The following DPP6 variants were observed in gnomAD, a reference collection of about 807,000 sequenced individuals.
DPP6 encodes the protein dipeptidyl peptidase like 6, also known as A-type potassium channel modulatory protein DPP6.
A neutral mutation model predicts 122.6 loss-of-function variants in DPP6; 69 were observed. The ratio of observed to expected loss-of-function variants is 0.56; its 90% CI spans 0.46 to 0.69. DPP6 has a LOEUF of 0.69. Among genes scored for constraint, DPP6 ranks in the 30% least tolerant of loss-of-function variants. The probability of loss-of-function intolerance (pLI) is 0.00; values close to 1 mark genes in which losing one functional copy is unlikely to be tolerated. For missense variants in DPP6, 928 were observed against 1,116.9 expected (o/e 0.83, Z 2.41); for synonymous variants, 418 against 433.1 (o/e 0.97, Z 0.43).
upstream of DPP6, chr7:154,052,348 G>C (rs898706789): frequency 6.5e-6 from 1 of 153,524 alleles, no homozygotes. The surrounding 1 kb of genome is among the most constrained non-coding windows in gnomAD (Gnocchi z 4.8). Context: ...GGCCGGGGTG[G>C]AGGAGGAGCT....
chr7:153,876,682 C>T, the DPP6 span, among the ~76,000 whole-genome samples: 2 of 151,978 alleles, frequency 1.3e-5, no homozygotes, highest in African/African-American at 2.4e-5. Flanking sequence ...TGACAGGATA[C>T]TTTATGAACC....
At chr7:153,900,620 G>C (rs866634637) in intron 1 of DPP6, among the ~76,000 whole-genome samples, 1 of 152,080 alleles carries the variant, frequency 6.6e-6, no homozygotes, top group Admixed American at 6.5e-5. Context: ...TCATTATCTC[G>C]AGGGTAACAC....
chr7:154,394,840 A>T (rs1814945494), intron 1 of DPP6, among the ~76,000 whole-genome samples: 1 of 152,220 alleles, frequency 6.6e-6, no homozygotes, highest in Admixed American at 6.5e-5. Flanking sequence ...ATTTGTTGAA[A>T]GAACTGACAT....
intron 1 of DPP6, among the ~76,000 whole-genome samples, chr7:154,061,603 G>C (rs1170641176): frequency 7.0e-6 from 1 of 142,684 alleles, no homozygotes; most frequent in Non-Finnish European, 1.5e-5. Context: ...CCTGGCTCTT[G>C]GGACTCCCAT....
chr7:153,961,391 G>T (rs1795345292), intron 1 of DPP6, among the ~76,000 whole-genome samples: 1 of 151,340 alleles, frequency 6.6e-6, no homozygotes, highest in African/African-American at 2.4e-5. Context: ...TAGGCAGAGT[G>T]GGCAGAGGCA....
chr7:154,441,495 C>T (rs1819368301), intron 1 of DPP6, among the ~76,000 whole-genome samples: 1 of 152,122 alleles, frequency 6.6e-6, no homozygotes, highest in African/African-American at 2.4e-5. Flanking sequence ...TTGCAGCGTT[C>T]AAAAATCGTC....
At chr7:154,086,114 G>C (rs1392087021) in intron 1 of DPP6, among the ~76,000 whole-genome samples, 1 of 152,148 alleles carries the variant, frequency 6.6e-6, no homozygotes, top group African/African-American at 2.4e-5. Flanking sequence ...TAGAGATAGA[G>C]ACATAAATTC....
rs553004403 is a variant in DPP6, at chr7:154,655,697, G to A, written c.681-13663G>A. On this transcript the variant is annotated intron_variant, in intron 6 of 25. Transcript: ENST00000377770. The stretch of plus-strand genomic sequence containing the variant: ...TGCGAGGAATTGGGGCTTAAGCCAA[G>A]TGTGCTGCCGTGGCCTAAATGTGCA... 2.0e-5 allele frequency among the ~76,000 whole-genome samples: 3 copies of A among 152,372 alleles called. No individual in the cohort carries two copies. The East Asian group carries it at 5.8e-4, about 29-fold the overall frequency.
chr7:154,751,922 C>T (rs1843414194), intron 8 of DPP6, among the ~76,000 whole-genome samples: 2 of 152,038 alleles, frequency 1.3e-5, no homozygotes, highest in South Asian at 4.2e-4. Context: ...AGCAGTGTCA[C>T]CCTAAAAAGG....
the DPP6 span, among the ~76,000 whole-genome samples, chr7:153,815,764 A>G: frequency 2.6e-5 from 4 of 152,184 alleles, no homozygotes; most frequent in Non-Finnish European, 5.9e-5. Flanking sequence ...CAAAGCCATC[A>G]TCTCTGTATT....
At chr7:154,748,514 A>C (rs1843144769) in intron 8 of DPP6, among the ~76,000 whole-genome samples, 1 of 152,250 alleles carries the variant, frequency 6.6e-6, no homozygotes, top group Non-Finnish European at 1.5e-5. Context: ...GGCACTAGAC[A>C]ACGCCAAGAG....
At chr7:153,823,915 A>G in the DPP6 span, among the ~76,000 whole-genome samples, 1 of 152,044 alleles carries the variant, frequency 6.6e-6, no homozygotes, top group Admixed American at 6.5e-5. Flanking sequence ...TGCATTGTGC[A>G]TTTTCATAAG....
chr7:154,662,021 C>T (rs1182652830), intron 6 of DPP6, among the ~76,000 whole-genome samples: 8 of 147,496 alleles, frequency 5.4e-5, no homozygotes, highest in African/African-American at 1.8e-4. Flanking sequence ...ATCACCATGG[C>T]ATATTGGCCA....
intron 1 of DPP6, among the ~76,000 whole-genome samples, chr7:153,989,114 G>T (rs1303504731): frequency 1.3e-5 from 2 of 150,186 alleles, no homozygotes; most frequent in Non-Finnish European, 3.0e-5. Flanking sequence ...GGGCTTGTGG[G>T]CGGAGGAGGG....
chr7:154,137,305 C>T (rs1795605244), intron 1 of DPP6, among the ~76,000 whole-genome samples: 2 of 151,906 alleles, frequency 1.3e-5, no homozygotes, highest in Non-Finnish European at 1.5e-5. Flanking sequence ...AGCCCTCTTC[C>T]CAGTCAAAAT....
intron 1 of DPP6, among the ~76,000 whole-genome samples, chr7:154,016,520 T>C (rs1798427065): frequency 6.6e-6 from 1 of 152,058 alleles, no homozygotes; most frequent in African/African-American, 2.4e-5. Flanking sequence ...CCCAGCACTT[T>C]GTGAGGCTGA....
the DPP6 span, among the ~76,000 whole-genome samples, chr7:153,839,173 GT>G: frequency 6.6e-6 from 1 of 152,110 alleles, no homozygotes; most frequent in Non-Finnish European, 1.5e-5. Context: ...TTACTCTTCT[GT>G]TTTCCCCCAT....
chr7:154,075,249 T>C (rs1003626356), intron 1 of DPP6, among the ~76,000 whole-genome samples: 1 of 151,666 alleles, frequency 6.6e-6, no homozygotes, highest in African/African-American at 2.4e-5. Context: ...AGTGTGGAGA[T>C]TCCTTAAAGA....
intron 1 of DPP6, among the ~76,000 whole-genome samples, chr7:154,183,270 C>CG (rs1330660903): frequency 6.6e-6 from 1 of 152,122 alleles, no homozygotes; most frequent in Non-Finnish European, 1.5e-5. Flanking sequence ...TAACCTATAG[C>CG]AAGAAAATCC....
Sources: gnomAD v4.1 joint callset for allele counts (sites outside exome capture counted in the v4.1 genomes callset) on GRCh38, gnomAD v4.1.1 for gene constraint, Gnocchi (gnomAD v3.1) non-coding constraint, MANE v1.5 for transcripts, NCBI Gene and HGNC (gene_info 2026-07-23, HGNC 2026-07-21) for gene names.